DOCK3: variants seen among roughly 807,000 people sequenced by gnomAD.
The protein encoded by DOCK3 is dedicator of cytokinesis protein 3.
In DOCK3, 60 loss-of-function variants were observed where a neutral mutation model predicts 265.6. That is an observed-to-expected ratio of 0.23 (90% CI 0.18 to 0.28). The LOEUF (loss-of-function observed/expected upper bound fraction) is 0.28. DOCK3 is among the 10% of genes least tolerant of loss of function. The pLI, the probability that DOCK3 is intolerant of heterozygous loss-of-function variation, is 1.00. For missense variants in DOCK3, 1,981 were observed against 2,594.3 expected (o/e 0.76, Z 5.14); for synonymous variants, 881 against 938.0 (o/e 0.94, Z 1.11).
chr3:51,310,165 G>C, intron 27 of DOCK3, 67 bp from the exon 28 acceptor site: 1 of 1,245,142 alleles, frequency 8.0e-7, no homozygotes, highest in Admixed American at 2.0e-5. Context: ...TGGCGGCCAG[G>C]AGTGGCCTAT....
At chr3:50,946,094 TAAAAAA>T (rs35670695) in intron 5 of DOCK3, among the ~76,000 whole-genome samples, 3 of 91,732 alleles carry the variant, frequency 3.3e-5, no homozygotes, top group South Asian at 5.0e-4. Flanking sequence ...CCCCATCTCT[TAAAAAA>T]AAAAAAAAAA....
At chr3:50,775,953 A>G (rs2041571094) in intron 1 of DOCK3, among the ~76,000 whole-genome samples, 1 of 152,142 alleles carries the variant, frequency 6.6e-6, no homozygotes, top group Non-Finnish European at 1.5e-5. Flanking sequence ...TCCATGGTGT[A>G]TATTTACCAC....
At chr3:51,250,641 A>G (rs1448596746) in intron 22 of DOCK3, among the ~76,000 whole-genome samples, 1 of 152,124 alleles carries the variant, frequency 6.6e-6, no homozygotes, top group Non-Finnish European at 1.5e-5. Flanking sequence ...ACAAACAAAC[A>G]AACTCGATGA....
chr3:50,903,304 G>T (rs1170785650), intron 4 of DOCK3, among the ~76,000 whole-genome samples: 4 of 152,110 alleles, frequency 2.6e-5, no homozygotes, highest in African/African-American at 9.7e-5. Context: ...TTATGGGTTT[G>T]TCCTATGTGG....
rs1054223176 is a variant in DOCK3, at chr3:51,361,740, A to T, written c.5007-119A>T. ...AGATGGGTATGAGCATTGACTATGGAACCCTCCAAACCGGTGGTAGCTGAA... is the reference window on the plus strand; with the variant it reads ...AGATGGGTATGAGCATTGACTATGGTACCCTCCAAACCGGTGGTAGCTGAA... On this transcript the variant is annotated intron_variant, in intron 47 of 52. Transcript: ENST00000266037. The surrounding 1 kb of genome is among the most constrained non-coding windows in gnomAD (Gnocchi z 4.2). 7.3e-7 allele frequency: 1 copy of T among 1,360,940 alleles called. No individual in the cohort carries two copies. The highest frequency in any genetic ancestry group is 9.9e-7 in the Non-Finnish European group (1 of 1,005,346). 84.3% of individuals were successfully genotyped at this position (1,360,940 alleles called of 1,614,324 possible).
chr3:51,042,505 T>C (rs1268008123), intron 5 of DOCK3, among the ~76,000 whole-genome samples: 1 of 152,154 alleles, frequency 6.6e-6, no homozygotes, highest in Non-Finnish European at 1.5e-5. Context: ...GGGCAAAAGC[T>C]GGAAGCATTC....
intron 4 of DOCK3, among the ~76,000 whole-genome samples, chr3:50,927,370 A>G (rs1226894640): frequency 6.6e-6 from 1 of 152,224 alleles, no homozygotes; most frequent in Non-Finnish European, 1.5e-5. Context: ...CAGGATGTCT[A>G]TAGCTAACAA....
intron 5 of DOCK3, among the ~76,000 whole-genome samples, chr3:50,977,905 C>T (rs1445001177): frequency 3.9e-5 from 6 of 151,996 alleles, no homozygotes; most frequent in South Asian, 2.1e-4. Flanking sequence ...CATCTTCCAT[C>T]GCTGATACCC....
intron 32 of DOCK3, among the ~76,000 whole-genome samples, chr3:51,318,974 A>C (rs1020748707): frequency 6.6e-6 from 1 of 152,000 alleles, no homozygotes; most frequent in Admixed American, 6.6e-5. Flanking sequence ...GGGATTTTCT[A>C]TTTAGACAAT....
chr3:50,713,594 T>A (rs570964758), intron 1 of DOCK3, among the ~76,000 whole-genome samples: 1 of 152,200 alleles, frequency 6.6e-6, no homozygotes, highest in South Asian at 2.1e-4. Flanking sequence ...ATGTCTTAGG[T>A]ATGGTGGTGG....
At chr3:51,369,242 A>T (rs879474466) in intron 49 of DOCK3, among the ~76,000 whole-genome samples, 1 of 152,248 alleles carries the variant, frequency 6.6e-6, no homozygotes, top group African/African-American at 2.4e-5. Context: ...TGACAAACTT[A>T]TCCGAGCTAA....
At chr3:50,978,709 C>T (rs1377874317) in intron 5 of DOCK3, among the ~76,000 whole-genome samples, 1 of 152,216 alleles carries the variant, frequency 6.6e-6, no homozygotes, top group Non-Finnish European at 1.5e-5. Context: ...TTTACCTAAG[C>T]AAGCCTGGGC....
intron 31 of DOCK3, 99 bp downstream of exon 31, chr3:51,313,001 C>A: frequency 1.8e-6 from 2 of 1,139,992 alleles, no homozygotes; most frequent in Non-Finnish European, 2.6e-6. Flanking sequence ...AATGTTAATT[C>A]AGGCCCAAGA....
intron 3 of DOCK3, among the ~76,000 whole-genome samples, chr3:50,875,933 G>A (rs911399461): frequency 1.3e-5 from 2 of 151,414 alleles, no homozygotes; most frequent in Non-Finnish European, 2.9e-5. Context: ...ACATTTTCAT[G>A]ATATATTGAA....
At chr3:50,919,705 A>G (rs2050328531) in intron 4 of DOCK3, among the ~76,000 whole-genome samples, 1 of 152,170 alleles carries the variant, frequency 6.6e-6, no homozygotes. Context: ...GACAGGGACA[A>G]TTTGACTTCC....
At chr3:50,823,268 C>G (rs2044555964) in intron 2 of DOCK3, among the ~76,000 whole-genome samples, 1 of 152,086 alleles carries the variant, frequency 6.6e-6, no homozygotes, top group South Asian at 2.1e-4. Context: ...AACAAGTAAA[C>G]AAAGGTCTCT....
intron 5 of DOCK3, among the ~76,000 whole-genome samples, chr3:51,025,933 A>T (rs1171392286): frequency 6.6e-6 from 1 of 151,876 alleles, no homozygotes; most frequent in Non-Finnish European, 1.5e-5. Flanking sequence ...CCCTTCTCAC[A>T]CTCTGAGAAC....
At position 50,965,126 on chromosome 3, in the gene DOCK3, C is replaced by A. The variant is rs759062398; in HGVS notation, c.315+31049C>A. Among the ~76,000 whole-genome samples the A allele has an allele frequency of 4.3e-4, 65 of 152,140 alleles. No homozygotes were observed. The Middle Eastern group carries it at 0.01, about 24-fold the overall frequency. On this transcript the variant is annotated intron_variant, in intron 5 of 52. Coordinates refer to ENST00000266037, the MANE Select transcript of DOCK3 (RefSeq NM_004947.5). The stretch of plus-strand genomic sequence containing the variant: ...GAGTTCACATCATATAAAGTATGTT[C>A]TTTGACTACAGTGGAATTAAATTAG...
chr3:51,125,363 TA>T (rs2084220837), intron 9 of DOCK3, among the ~76,000 whole-genome samples: 1 of 152,302 alleles, frequency 6.6e-6, no homozygotes, highest in East Asian at 1.9e-4. Flanking sequence ...CTGACAAATT[TA>T]AATATTAATG....
Sources: allele counts gnomAD v4.1 joint callset (sites outside exome capture counted in the v4.1 genomes callset), GRCh38; gene constraint gnomAD v4.1.1; non-coding constraint Gnocchi (gnomAD v3.1); transcripts MANE v1.5; gene names NCBI Gene and HGNC (gene_info 2026-07-23, HGNC 2026-07-21).